The following CPSF2 variants were observed in gnomAD, a reference collection of about 807,000 sequenced individuals.
The protein encoded by CPSF2 is cleavage and polyadenylation specificity factor subunit 2.
A neutral mutation model predicts 84.2 loss-of-function variants in CPSF2; 51 were observed. The observed-to-expected ratio is 0.61, with a 90% confidence interval of 0.48 to 0.77. The LOEUF is 0.77. Ranked by LOEUF, CPSF2 falls within the 30% of genes least tolerant of loss-of-function variation. The probability of loss-of-function intolerance (pLI) is 0.00; values close to 1 mark genes in which losing one functional copy is unlikely to be tolerated. For missense variants in CPSF2, 641 were observed against 929.4 expected (o/e 0.69, Z 4.03); for synonymous variants, 286 against 311.9 (o/e 0.92, Z 0.87).
Position 92,163,562 on chromosome 14 carries a change from C to T in CPSF2, c.*1818C>T, listed in dbSNP as rs1363015586. The T allele has an allele frequency of 2.0e-5, 3 of 152,514 alleles. No homozygotes were observed. Among genetic ancestry groups the T allele is most frequent in the African/African-American group, 7.2e-5 (3 of 41,394 alleles). The allele number at this position is 152,514 out of a possible 1,614,324, so 9.4% of individuals were successfully genotyped here. The stretch of plus-strand genomic sequence containing the variant: ...TGCATATTGTATTGTAATACTGATA[C>T]AGTTTGGCTGTGTCCCCACCAAATT... On this transcript the variant is annotated 3_prime_UTR_variant, in exon 16 of 16. Transcript: ENST00000298875.
At chr14:92,125,530 A>G (rs2068835049) in intron 1 of CPSF2, among the ~76,000 whole-genome samples, 1 of 152,076 alleles carries the variant, frequency 6.6e-6, no homozygotes, top group Non-Finnish European at 1.5e-5. Context: ...ACCAGCTAAT[A>G]TCCCCAAAAT....
chr14:92,156,532 A>G lies in CPSF2; in HGVS notation c.1496A>G (p.Lys499Arg). ...ELQATEEEKS[K>R]LESGLTNGDE... Reference sequence around the variant, plus strand: ...CAAGCTACTGAAGAAGAAAAAAGCAAATTAGAATCTGGTTTGACAAATGGA... The same window carrying G: ...CAAGCTACTGAAGAAGAAAAAAGCAGATTAGAATCTGGTTTGACAAATGGA... Residue 499 changes from lysine to arginine, a missense_variant, in exon 12 of 16, where the codon AAA (lysine) becomes AGA (arginine). Physicochemically the swap from Lys to Arg is conservative, Grantham distance 26. Coordinates refer to ENST00000298875, the MANE Select transcript of CPSF2 (RefSeq NM_017437.3). The G allele has an allele frequency of 1.2e-6, 2 of 1,613,312 alleles. No individual in the cohort carries two copies. Among genetic ancestry groups the G allele is most frequent in the Non-Finnish European group, 1.7e-6 (2 of 1,179,588 alleles).
chr14:92,135,630 G>A (rs1441805148), intron 6 of CPSF2, 134 bp downstream of exon 6: 5 of 796,124 alleles, frequency 6.3e-6, no homozygotes, highest in Non-Finnish European at 9.8e-6. Context: ...AATAGGGAGT[G>A]TTTTCAAAAT....
At chr14:92,154,260 T>C (rs2069259861) in intron 9 of CPSF2, 98 bp from the exon 10 acceptor site, 1 of 745,114 alleles carries the variant, frequency 1.3e-6, no homozygotes, top group Admixed American at 3.0e-5. Context: ...TTAAAGATGA[T>C]AGAGCAATTT....
intron 1 of CPSF2, among the ~76,000 whole-genome samples, chr14:92,124,350 A>G (rs957826767): frequency 6.6e-6 from 1 of 152,170 alleles, no homozygotes; most frequent in African/African-American, 2.4e-5. Flanking sequence ...GATGAAAGGA[A>G]ATGGGCAATC....
rs773679340 is a variant in CPSF2 at position 92,142,131 on chromosome 14, G to A, written c.662-33G>A. 40 of 1,509,938 alleles carry A rather than the reference G, an allele frequency of 2.6e-5. 1 individual carries two copies. The highest frequency in any genetic ancestry group is 2.3e-4 in the South Asian group (18 of 79,926). The allele number at this position is 1,509,938 out of a possible 1,614,324, so 93.5% of individuals were successfully genotyped here. Reference sequence around the variant, plus strand: ...TAATTTTGTAGCATAGTATTGTTACGTTCTATGGGGATTTTACATTCTTGT... The same window carrying A: ...TAATTTTGTAGCATAGTATTGTTACATTCTATGGGGATTTTACATTCTTGT... On this transcript the variant is annotated intron_variant, in intron 7 of 15. Transcript: ENST00000298875.
chr14:92,153,866 C>CTTTTT (rs767628179), intron 9 of CPSF2, among the ~76,000 whole-genome samples: 6 of 121,650 alleles, frequency 4.9e-5, no homozygotes, highest in South Asian at 5.5e-4. Context: ...CCACTCCTGG[C>CTTTTT]TTTTTTTTTT....
chr14:92,136,075 T>A (rs2068995151), intron 6 of CPSF2, among the ~76,000 whole-genome samples: 1 of 152,226 alleles, frequency 6.6e-6, no homozygotes, highest in Non-Finnish European at 1.5e-5. Flanking sequence ...ATGTTTAAAG[T>A]TAGTCCCTTT....
chr14:92,123,087 G>T (rs1410022895), intron 1 of CPSF2, among the ~76,000 whole-genome samples: 4 of 151,898 alleles, frequency 2.6e-5, no homozygotes, highest in African/African-American at 9.7e-5. Context: ...TTTTCCCTTG[G>T]ATTTTGCTTA....
chr14:92,135,572 C>A, intron 6 of CPSF2, 76 bp downstream of exon 6: 1 of 1,457,798 alleles, frequency 6.9e-7, no homozygotes, highest in Non-Finnish European at 9.2e-7. Context: ...ATAAGAAACA[C>A]AGTTTTTGTT....
At position 92,142,194 on chromosome 14, in the gene CPSF2, G is replaced by C; in HGVS notation, c.692G>C (p.Gly231Ala). 6.2e-7 allele frequency: 1 copy of C among 1,611,954 alleles called. No individual in the cohort carries two copies. The highest frequency in any genetic ancestry group is 8.5e-7 in the Non-Finnish European group (1 of 1,178,728). The change falls in exon 8 of 16, where the codon GGA becomes GCA. Residue 231 changes from glycine (G) to alanine (A), a missense_variant. By Grantham distance (60) the Gly-to-Ala change is moderately conservative. Transcript: ENST00000298875. ...TNVLETLRGD[G>A]NVLIAVDTAG... Reference sequence around the variant, plus strand: ...GTCCTGGAAACACTTCGAGGTGATGGAAATGTGTTAATAGCAGTGGACACA... The same window carrying C: ...GTCCTGGAAACACTTCGAGGTGATGCAAATGTGTTAATAGCAGTGGACACA...
chr14:92,139,450 T>G (rs1395504059), intron 7 of CPSF2, among the ~76,000 whole-genome samples: 4 of 149,992 alleles, frequency 2.7e-5, no homozygotes, highest in Admixed American at 6.7e-5. Flanking sequence ...AAGAGCTAAG[T>G]GGATAAATGA....
chr14:92,132,500 A>G (rs1042963720), intron 3 of CPSF2, among the ~76,000 whole-genome samples: 2 of 150,992 alleles, frequency 1.3e-5, no homozygotes, highest in Non-Finnish European at 2.9e-5. Flanking sequence ...GACCAGGCAC[A>G]GTGGCTAATG....
At chr14:92,139,070 G>A (rs2069038772) in intron 7 of CPSF2, among the ~76,000 whole-genome samples, 1 of 152,064 alleles carries the variant, frequency 6.6e-6, no homozygotes, top group South Asian at 2.1e-4. Context: ...GCACTCACTG[G>A]CATATGTCTG....
At chr14:92,142,011 C>T (rs1019856042) in intron 7 of CPSF2, among the ~76,000 whole-genome samples, 153 bp from the exon 8 acceptor site, 7 of 152,096 alleles carry the variant, frequency 4.6e-5, no homozygotes, top group Non-Finnish European at 8.8e-5. Context: ...GTTGTAATGA[C>T]CTGAACAAAA....
intron 7 of CPSF2, among the ~76,000 whole-genome samples, chr14:92,139,994 G>A (rs187121513): frequency 2.7e-3 from 286 of 107,634 alleles, no homozygotes; most frequent in Non-Finnish European, 2.2e-3. Context: ...TTGCTCTGTC[G>A]CCAGGCTGGA....
intron 9 of CPSF2, 48 bp downstream of exon 9, chr14:92,143,342 A>G (rs955387536): frequency 1.7e-6 from 2 of 1,197,278 alleles, no homozygotes; most frequent in Non-Finnish European, 2.4e-6. Context: ...TGGGGGATAC[A>G]TTGTGCATGA....
rs551475432 is a variant in CPSF2, at chr14:92,126,312, A to G, written c.-35+132A>G. ...ATGAACTTACTCAGTTCTAGCTGCA[A>G]GATACCTTGCATGTTACTTCATAAT... On this transcript the variant is annotated intron_variant, in intron 2 of 15. Transcript: ENST00000298875. 2.1e-3 allele frequency: 314 copies of G among 152,358 alleles called. 1 individual carries two copies. Among genetic ancestry groups the G allele is most frequent in the African/African-American group, 6.9e-3 (289 of 41,590 alleles). The allele number at this position is 152,358 out of a possible 1,614,324, so 9.4% of individuals were successfully genotyped here.
At chr14:92,158,958 C>G (rs2069328774) in intron 13 of CPSF2, 25 bp from the exon 14 acceptor site, 2 of 1,562,090 alleles carry the variant, frequency 1.3e-6, no homozygotes, top group African/African-American at 2.8e-5. Flanking sequence ...GGTTTTATTT[C>G]TCTCCCCCTC....
Sources: allele counts gnomAD v4.1 joint callset (sites outside exome capture counted in the v4.1 genomes callset), GRCh38; gene constraint gnomAD v4.1.1; transcripts MANE v1.5; gene names NCBI Gene and HGNC (gene_info 2026-07-23, HGNC 2026-07-21).